Variants in HS6ST3 observed in about 807,000 individuals in gnomAD.
The protein encoded by HS6ST3 is heparan-sulfate 6-O-sulfotransferase 3.
HS6ST3 carries 12 observed loss-of-function variants against 36.7 expected under a neutral mutation model. The ratio of observed to expected loss-of-function variants is 0.33; its 90% CI spans 0.21 to 0.53. The LOEUF (loss-of-function observed/expected upper bound fraction) is 0.53. HS6ST3 is among the 20% of genes least tolerant of loss of function. The pLI, the probability that HS6ST3 is intolerant of heterozygous loss-of-function variation, is 0.95. For missense variants in HS6ST3, 584 were observed against 640.9 expected (o/e 0.91, Z 0.96); for synonymous variants, 240 against 257.5 (o/e 0.93, Z 0.65).
chr13:96,491,795 T>C (rs2055947256), intron 1 of HS6ST3, among the ~76,000 whole-genome samples: 3 of 152,198 alleles, frequency 2.0e-5, no homozygotes, highest in Admixed American at 6.5e-5. Context: ...CCTGTATTCA[T>C]TTTGGTCTCA....
chr13:96,761,456 A>G (rs1001724875), intron 1 of HS6ST3, among the ~76,000 whole-genome samples: 3 of 151,436 alleles, frequency 2.0e-5, no homozygotes, highest in African/African-American at 2.4e-5. Context: ...ATTATTCCAT[A>G]TTTTTTCAAG....
chr13:96,732,446 C>T (rs1161639633), intron 1 of HS6ST3, among the ~76,000 whole-genome samples: 1 of 151,430 alleles, frequency 6.6e-6, no homozygotes, highest in African/African-American at 2.4e-5. Flanking sequence ...CCCCGTTGTG[C>T]GTTCTTGGTG....
chr13:96,831,954 CAAAAAAA>C lies in HS6ST3; in HGVS notation c.708-516_708-510del, dbSNP rs35266831. Among the ~76,000 whole-genome samples the C allele has an allele frequency of 2.1e-3, 46 of 21,856 alleles. 1 individual carries two copies. Among genetic ancestry groups the C allele is most frequent in the African/African-American group, 7.0e-3 (38 of 5,428 alleles). The allele number at this position is 21,856 out of a possible 152,430, so 14.3% of individuals were successfully genotyped here. ...TGGGTGACAGAGCAAGACTCCCTCT[CAAAAAAA>C]AAAAAAAAAAAAAAAAAAACAGAGA... On this transcript the variant is annotated intron_variant, in intron 1 of 1. Transcript: ENST00000376705.
At chr13:96,391,909 G>A (rs2055397747) in intron 1 of HS6ST3, among the ~76,000 whole-genome samples, 1 of 152,206 alleles carries the variant, frequency 6.6e-6, no homozygotes, top group African/African-American at 2.4e-5. Flanking sequence ...CCCTGTCTAT[G>A]TCACTGGCTT....
chr13:96,650,579 C>G (rs1479987346), intron 1 of HS6ST3, among the ~76,000 whole-genome samples: 1 of 151,828 alleles, frequency 6.6e-6, no homozygotes, highest in African/African-American at 2.4e-5. Flanking sequence ...AGAAAGAGTA[C>G]AAGAATGAGT....
chr13:96,823,218 A>G lies in HS6ST3; in HGVS notation c.708-9272A>G, dbSNP rs149770225. On this transcript the variant is annotated intron_variant, in intron 1 of 1. Coordinates refer to ENST00000376705, the MANE Select transcript of HS6ST3 (RefSeq NM_153456.4). ...AAAACCATATTGAGTCATTTTGACAATGAAACAGGAGGGATTCTCTTGACT... is the reference window on the plus strand; with the variant it reads ...AAAACCATATTGAGTCATTTTGACAGTGAAACAGGAGGGATTCTCTTGACT... 1.8e-3 allele frequency among the ~76,000 whole-genome samples: 267 copies of G among 152,376 alleles called. 1 individual carries two copies. In the Middle Eastern group the frequency reaches 0.02, roughly 12 times the overall value.
intron 1 of HS6ST3, among the ~76,000 whole-genome samples, chr13:96,694,434 T>A (rs1172582320): frequency 6.6e-6 from 1 of 152,246 alleles, no homozygotes; most frequent in Middle Eastern, 3.2e-3. Flanking sequence ...TTTATGTTGA[T>A]TCCATGTCTT....
intron 1 of HS6ST3, among the ~76,000 whole-genome samples, chr13:96,342,421 G>T (rs543465029): frequency 4.6e-5 from 7 of 152,306 alleles, no homozygotes; most frequent in Non-Finnish European, 7.3e-5. Context: ...GTTGGGAGTT[G>T]AGCTGAATCC....
chr13:96,136,664 C>T (rs1326289554), intron 1 of HS6ST3, among the ~76,000 whole-genome samples: 1 of 140,086 alleles, frequency 7.1e-6, no homozygotes, highest in African/African-American at 2.6e-5. Flanking sequence ...TTAAGGTATA[C>T]AGCATGATGT....
rs9556549 is a variant in HS6ST3, at chr13:96,290,674, A to G, written c.707+199105A>G. ...TTCCCACTGTCAGTCTATTCCCAGT[A>G]TAGCAGCCAGAGTAATCTCATTAAA... On this transcript the variant is annotated intron_variant, in intron 1 of 1. Transcript: ENST00000376705. Among the ~76,000 whole-genome samples, 34 of 152,308 alleles carry G rather than the reference A, an allele frequency of 2.2e-4. 1 individual carries two copies. In the East Asian group the frequency reaches 6.2e-3, roughly 28 times the overall value.
intron 1 of HS6ST3, among the ~76,000 whole-genome samples, chr13:96,501,138 C>T (rs1281959276): frequency 6.6e-6 from 1 of 152,152 alleles, no homozygotes; most frequent in Non-Finnish European, 1.5e-5. Flanking sequence ...AAAGATCTTA[C>T]AACCCACATC....
At chr13:96,377,670 ATACAGGTGCT>A (rs2055321476) in intron 1 of HS6ST3, among the ~76,000 whole-genome samples, 1 of 152,198 alleles carries the variant, frequency 6.6e-6, no homozygotes, top group Non-Finnish European at 1.5e-5. Context: ...CAGACTTAGG[ATACAGGTGCT>A]GACATCTCTG....
intron 1 of HS6ST3, among the ~76,000 whole-genome samples, chr13:96,170,100 CCAT>C (rs2054180469): frequency 2.0e-5 from 3 of 152,180 alleles, no homozygotes; most frequent in African/African-American, 7.2e-5. Context: ...TGTTTCATGA[CCAT>C]CACATAATCC....
intron 1 of HS6ST3, among the ~76,000 whole-genome samples, chr13:96,404,821 C>T (rs1286662812): frequency 1.3e-5 from 2 of 152,122 alleles, no homozygotes; most frequent in African/African-American, 4.8e-5. Flanking sequence ...GTGTCCCCAC[C>T]CAAATCTCAT....
At chr13:96,589,316 T>C (rs1594813334) in intron 1 of HS6ST3, among the ~76,000 whole-genome samples, 1 of 152,202 alleles carries the variant, frequency 6.6e-6, no homozygotes, top group African/African-American at 2.4e-5. Flanking sequence ...TTTTAGGTTA[T>C]CTAATTTTTT....
At chr13:96,416,752 ATTTT>A (rs1023013886) in intron 1 of HS6ST3, among the ~76,000 whole-genome samples, 2 of 130,862 alleles carry the variant, frequency 1.5e-5, no homozygotes, top group Admixed American at 7.8e-5. Context: ...ATAGGGTAAC[ATTTT>A]TTTTTTTTTT....
chr13:96,821,517 T>A (rs1231191929), intron 1 of HS6ST3, among the ~76,000 whole-genome samples: 1 of 152,262 alleles, frequency 6.6e-6, no homozygotes, highest in Non-Finnish European at 1.5e-5. Context: ...TTTTGATGAC[T>A]AAGTTGGTGA....
chr13:96,615,754 G>A lies in HS6ST3; in HGVS notation c.708-216736G>A, dbSNP rs138070535. ...GACCTTGTGACACAAAGTGCATATG[G>A]ACATGTTATCCTAGGCATTCTGCAA... On this transcript the variant is annotated intron_variant, in intron 1 of 1. Transcript: ENST00000376705. 4.6e-3 allele frequency among the ~76,000 whole-genome samples: 697 copies of A among 152,268 alleles called. 6 individuals are homozygous for A. Among genetic ancestry groups the A allele is most frequent in the African/African-American group, 0.011 (445 of 41,548 alleles).
chr13:96,382,220 A>G (rs1262962778), intron 1 of HS6ST3, among the ~76,000 whole-genome samples: 1 of 152,154 alleles, frequency 6.6e-6, no homozygotes, highest in African/African-American at 2.4e-5. Flanking sequence ...GGCCTTTTCA[A>G]TTTTATCAGA....
Sources: allele counts gnomAD v4.1 joint callset (sites outside exome capture counted in the v4.1 genomes callset), GRCh38; gene constraint gnomAD v4.1.1; transcripts MANE v1.5; gene names NCBI Gene and HGNC (gene_info 2026-07-23, HGNC 2026-07-21).